Variants in CUL5 observed in about 807,000 individuals in gnomAD.
CUL5 encodes the protein cullin-5.
A neutral mutation model predicts 108.8 loss-of-function variants in CUL5; 26 were observed. The ratio of observed to expected loss-of-function variants is 0.24; its 90% CI spans 0.18 to 0.33. CUL5 has a LOEUF of 0.33. Among genes scored for constraint, CUL5 ranks in the 10% least tolerant of loss-of-function variants. CUL5 has a pLI of 1.00. For missense variants in CUL5, 524 were observed against 909.2 expected, an observed-to-expected ratio of 0.58 and a Z score of 5.45; for synonymous variants, 334 against 298.0, an observed-to-expected ratio of 1.12 and a Z score of -1.25.
intron 13 of CUL5, among the ~76,000 whole-genome samples, chr11:108,093,356 T>G (rs1412474167): frequency 3.9e-5 from 6 of 152,230 alleles, no homozygotes; most frequent in Admixed American, 3.9e-4. Context: ...CAGGATCACT[T>G]CTTCTAGGGT....
intron 1 of CUL5, among the ~76,000 whole-genome samples, chr11:108,014,876 T>C (rs1365583273): frequency 6.6e-6 from 1 of 152,128 alleles, no homozygotes; most frequent in Non-Finnish European, 1.5e-5. Context: ...GAGAGAGTGC[T>C]CGGTGCTCTT....
intron 3 of CUL5, among the ~76,000 whole-genome samples, chr11:108,048,367 A>C (rs7947012): frequency 0.99 from 151,341 of 152,304 alleles, 75,197 homozygotes; most frequent in Middle Eastern, 1. Flanking sequence ...CTGGTCTCAG[A>C]TGAATTTGCC....
chr11:108,099,578 T>A (rs1029748850), intron 18 of CUL5, among the ~76,000 whole-genome samples: 3 of 152,178 alleles, frequency 2.0e-5, no homozygotes, highest in African/African-American at 7.2e-5. Flanking sequence ...CTTTTTTTGT[T>A]GCTAAAATTT....
At chr11:108,062,096 A>G (rs974827374) in intron 7 of CUL5, among the ~76,000 whole-genome samples, 1 of 152,216 alleles carries the variant, frequency 6.6e-6, no homozygotes, top group Non-Finnish European at 1.5e-5. Context: ...GCATATCACA[A>G]TCTATATTAT....
Position 108,104,891 on chromosome 11 carries a change from C to CGGCA in CUL5, c.*509_*512dup, listed in dbSNP as rs1864753830. ...AGCTGGTCAATGCAACATTGGGAAA[C>CGGCA]GGCAGATGTAGGTGAGAAGTTAAGT... On this transcript the variant is annotated 3_prime_UTR_variant, in exon 19 of 19. Transcript: ENST00000393094. The CGGCA allele has an allele frequency of 6.6e-6, 1 of 152,548 alleles. No homozygotes were observed. Among genetic ancestry groups the CGGCA allele is most frequent in the Admixed American group, 6.6e-5 (1 of 15,244 alleles). The allele number at this position is 152,548 out of a possible 1,614,324, so 9.4% of individuals were successfully genotyped here.
Position 108,094,816 on chromosome 11 carries a change from T to C in CUL5, c.1572T>C (p.Asp524=). ...HKNNKLALPA[D]SVNIKILNAG... ...TCCTGATATTCTTCTCTATAGCTGA[T>C]TCAGTTAATATAAAAATTCTGAATG... Residue 524 remains aspartate (D), a synonymous_variant, in exon 15 of 19, where the codon GAT becomes GAC. Coordinates refer to ENST00000393094, the MANE Select transcript of CUL5 (RefSeq NM_003478.6). 1 of 1,591,612 alleles carries C rather than the reference T, an allele frequency of 6.3e-7. No homozygotes were observed. The highest frequency in any genetic ancestry group is 2.2e-5 in the East Asian group (1 of 44,570).
At chr11:108,090,131 G>T (rs1864315000) in intron 13 of CUL5, among the ~76,000 whole-genome samples, 1 of 151,916 alleles carries the variant, frequency 6.6e-6, no homozygotes. Flanking sequence ...TTGTTCTTGA[G>T]TTGTTTCTAC....
At chr11:108,010,557 T>G (rs1383586953) in intron 1 of CUL5, among the ~76,000 whole-genome samples, 1 of 152,210 alleles carries the variant, frequency 6.6e-6, no homozygotes, top group Non-Finnish European at 1.5e-5. Context: ...TTTGGGCAAG[T>G]TTCCTTATGA....
At chr11:108,104,075 C>T (rs1463008217) in intron 18 of CUL5, 115 bp from the exon 19 acceptor site, 2 of 603,974 alleles carry the variant, frequency 3.3e-6, no homozygotes, top group Admixed American at 7.1e-5. Flanking sequence ...GATTATTATT[C>T]ATTTGGGTAG....
At chr11:108,101,485 T>C (rs1864665765) in intron 18 of CUL5, among the ~76,000 whole-genome samples, 1 of 152,254 alleles carries the variant, frequency 6.6e-6, no homozygotes, top group Non-Finnish European at 1.5e-5. Context: ...CTGCTCTTAC[T>C]GAGCTCTTGA....
intron 7 of CUL5, among the ~76,000 whole-genome samples, chr11:108,061,632 C>T (rs1016280324): frequency 6.6e-6 from 1 of 152,106 alleles, no homozygotes; most frequent in Non-Finnish European, 1.5e-5. Flanking sequence ...ATTCCTTCCT[C>T]TCTATTTCCC....
At chr11:108,028,067 A>G (rs1213937114) in intron 1 of CUL5, among the ~76,000 whole-genome samples, 1 of 152,170 alleles carries the variant, frequency 6.6e-6, no homozygotes, top group Non-Finnish European at 1.5e-5. Flanking sequence ...ATCTCATCCA[A>G]TAACAGGTTT....
At chr11:108,015,611 G>A (rs1054965235) in intron 1 of CUL5, among the ~76,000 whole-genome samples, 4 of 152,180 alleles carry the variant, frequency 2.6e-5, no homozygotes, top group Non-Finnish European at 1.5e-5. Context: ...GCCTAGGGAG[G>A]AAACAAATTT....
At chr11:108,029,104 TC>T (rs1243235039) in intron 1 of CUL5, among the ~76,000 whole-genome samples, 3 of 152,186 alleles carry the variant, frequency 2.0e-5, no homozygotes, top group African/African-American at 7.2e-5. Flanking sequence ...TTCCAGGTAT[TC>T]CCCCATTGTC....
chr11:108,100,984 G>A (rs1327099439), intron 18 of CUL5, among the ~76,000 whole-genome samples: 3 of 152,204 alleles, frequency 2.0e-5, no homozygotes, highest in Non-Finnish European at 4.4e-5. Context: ...AGCGGAGATC[G>A]CGCCACTGCA....
At chr11:108,044,954 G>C (rs991344220) in intron 2 of CUL5, among the ~76,000 whole-genome samples, 1 of 151,842 alleles carries the variant, frequency 6.6e-6, no homozygotes, top group African/African-American at 2.4e-5. Flanking sequence ...TAGAGATGGG[G>C]GTTTTACCAT....
At chr11:108,102,653 A>C (rs981489883) in intron 18 of CUL5, among the ~76,000 whole-genome samples, 6 of 152,074 alleles carry the variant, frequency 3.9e-5, no homozygotes, top group Non-Finnish European at 8.8e-5. Context: ...TATATAGGGG[A>C]AGTTGAAGGA....
At chr11:108,091,192 C>T (rs1864348343) in intron 13 of CUL5, among the ~76,000 whole-genome samples, 1 of 151,954 alleles carries the variant, frequency 6.6e-6, no homozygotes, top group South Asian at 2.1e-4. Flanking sequence ...GCTGGGACTA[C>T]AGGTTTGTGC....
intron 3 of CUL5, chr11:108,046,603 G>A (rs1260512964): frequency 5.7e-6 from 2 of 348,110 alleles, no homozygotes; most frequent in Non-Finnish European, 1.0e-5. Flanking sequence ...AGATGCTATA[G>A]CGAATTCAGT....
Sources: gnomAD v4.1 joint callset for allele counts (sites outside exome capture counted in the v4.1 genomes callset) on GRCh38, gnomAD v4.1.1 for gene constraint, MANE v1.5 for transcripts, NCBI Gene and HGNC (gene_info 2026-07-23, HGNC 2026-07-21) for gene names.